Variants in PDE4B observed in about 807,000 individuals in gnomAD.
PDE4B encodes the protein phosphodiesterase 4B.
PDE4B carries 20 observed loss-of-function variants against 82.2 expected under a neutral mutation model. That is an observed-to-expected ratio of 0.24 (90% CI 0.17 to 0.35). The LOEUF (loss-of-function observed/expected upper bound fraction) is 0.35, where lower values mean the gene tolerates loss of function less well. Ranked by LOEUF, PDE4B falls within the 10% of genes least tolerant of loss-of-function variation. The pLI is 1.00. For missense variants in PDE4B, 655 were observed against 907.2 expected (o/e 0.72, Z 3.57); for synonymous variants, 320 against 318.9 (o/e 1.00, Z -0.04).
intron 3 of PDE4B, among the ~76,000 whole-genome samples, chr1:66,124,918 C>CGTGTGTGT (rs58795750): frequency 0.055 from 8,134 of 148,002 alleles, 565 homozygotes; most frequent in East Asian, 0.32. Context: ...TGTGTGTATG[C>CGTGTGTGT]GTGTGTGTGT....
At chr1:65,832,488 C>T (rs17128032) in intron 1 of PDE4B, among the ~76,000 whole-genome samples, 1,678 of 152,190 alleles carry the variant, frequency 0.011, 34 homozygotes, top group African/African-American at 0.039. Flanking sequence ...GAGCACAGAG[C>T]GGGAAGGCAA....
At chr1:65,949,946 G>A (rs1648909352) in intron 3 of PDE4B, among the ~76,000 whole-genome samples, 1 of 151,994 alleles carries the variant, frequency 6.6e-6, no homozygotes, top group Non-Finnish European at 1.5e-5. Flanking sequence ...TTGTGTAAGA[G>A]ACCTGCCTAG....
At chr1:65,976,719 C>T (rs1650427943) in intron 3 of PDE4B, among the ~76,000 whole-genome samples, 1 of 152,172 alleles carries the variant, frequency 6.6e-6, no homozygotes, top group Admixed American at 6.5e-5. Context: ...GTGTGTGGCA[C>T]TTCCTGCTTA....
At chr1:66,017,758 G>A (rs1652858976) in intron 3 of PDE4B, among the ~76,000 whole-genome samples, 1 of 152,072 alleles carries the variant, frequency 6.6e-6, no homozygotes, top group Non-Finnish European at 1.5e-5. Context: ...AGCAACTAGT[G>A]ATTATTCCCT....
intron 1 of PDE4B, among the ~76,000 whole-genome samples, chr1:65,831,723 C>T (rs1414910834): frequency 1.3e-5 from 2 of 152,084 alleles, no homozygotes; most frequent in African/African-American, 2.4e-5. Flanking sequence ...AAAATAAACT[C>T]TAGATGGATA....
intron 1 of PDE4B, among the ~76,000 whole-genome samples, chr1:65,818,530 T>C (rs1557762348): frequency 6.6e-6 from 1 of 151,988 alleles, no homozygotes; most frequent in Non-Finnish European, 1.5e-5. Flanking sequence ...AGAACTGTAA[T>C]TCTTCATTTT....
At chr1:65,807,598 T>C (rs1431872003) in intron 1 of PDE4B, among the ~76,000 whole-genome samples, 2 of 152,246 alleles carry the variant, frequency 1.3e-5, no homozygotes, top group African/African-American at 2.4e-5. Flanking sequence ...ATTGTAGTGC[T>C]AGTTTCCTCC....
At chr1:66,184,657 A>G (rs1002510081) in intron 3 of PDE4B, among the ~76,000 whole-genome samples, 1 of 152,320 alleles carries the variant, frequency 6.6e-6, no homozygotes, top group Non-Finnish European at 1.5e-5. Flanking sequence ...CTTCACATGG[A>G]TACCACATAG....
chr1:65,873,038 T>C (rs1360780120), intron 1 of PDE4B, among the ~76,000 whole-genome samples: 2 of 152,168 alleles, frequency 1.3e-5, no homozygotes, highest in African/African-American at 4.8e-5. Context: ...ACTGGTGCTA[T>C]GCCAAAACAA....
chr1:66,322,455 TAAAC>T (rs1659469034), intron 7 of PDE4B, among the ~76,000 whole-genome samples: 1 of 150,982 alleles, frequency 6.6e-6, no homozygotes, highest in East Asian at 2.0e-4. Context: ...ACAAAGAACT[TAAAC>T]AAATTTACAA....
chr1:66,229,576 C>T (rs979725993), intron 3 of PDE4B, among the ~76,000 whole-genome samples: 4 of 152,324 alleles, frequency 2.6e-5, no homozygotes, highest in African/African-American at 9.6e-5. Context: ...TCACTAAATC[C>T]CTACTCCACA....
chr1:65,887,299 C>T (rs1180661142), intron 1 of PDE4B, among the ~76,000 whole-genome samples: 12 of 120,072 alleles, frequency 1.0e-4, no homozygotes, highest in Non-Finnish European at 3.4e-5. Context: ...CTCTCTCTCT[C>T]TTTCCCTCCC....
intron 12 of PDE4B, 138 bp from the exon 13 acceptor site, chr1:66,365,529 A>G: frequency 1.8e-6 from 1 of 540,834 alleles, no homozygotes; most frequent in Non-Finnish European, 3.4e-6. Context: ...ACATTTACTT[A>G]AATTAGTATA....
At chr1:65,794,716 AAAC>A (rs1396334939) in intron 1 of PDE4B, among the ~76,000 whole-genome samples, 2 of 152,304 alleles carry the variant, frequency 1.3e-5, no homozygotes, top group African/African-American at 2.4e-5. Flanking sequence ...TTCATTTTCT[AAAC>A]AACAACGTGC....
intron 3 of PDE4B, among the ~76,000 whole-genome samples, chr1:65,957,332 C>T (rs1244654012): frequency 6.6e-6 from 1 of 152,060 alleles, no homozygotes; most frequent in Non-Finnish European, 1.5e-5. Flanking sequence ...CGCCACCATT[C>T]GTTGACTGAT....
intron 7 of PDE4B, among the ~76,000 whole-genome samples, chr1:66,321,369 T>C (rs1659392099): frequency 6.6e-6 from 1 of 152,190 alleles, no homozygotes; most frequent in Non-Finnish European, 1.5e-5. Flanking sequence ...TTTACCTCTC[T>C]TCATCTCCAT....
At chr1:66,053,845 A>G (rs1655166280) in intron 3 of PDE4B, among the ~76,000 whole-genome samples, 2 of 152,238 alleles carry the variant, frequency 1.3e-5, no homozygotes, top group South Asian at 4.2e-4. Context: ...GGTGACAAGA[A>G]AGAAACTCCA....
rs144422492 is a variant in PDE4B, at chr1:66,172,589, T to C, written c.282-74871T>C. ...ACCAACAATATATAAGTGTTCCCTT[T>C]TCTCTGCAGCCTCATCAGAAGTATT... On this transcript the variant is annotated intron_variant, in intron 3 of 16. Coordinates refer to ENST00000341517, the MANE Select transcript of PDE4B (RefSeq NM_002600.4). 8.4e-3 allele frequency among the ~76,000 whole-genome samples: 1,281 copies of C among 152,358 alleles called. 28 individuals are homozygous for C. Among genetic ancestry groups the C allele is most frequent in the African/African-American group, 0.029 (1,196 of 41,586 alleles).
chr1:65,856,373 C>T (rs1185995570), intron 1 of PDE4B, among the ~76,000 whole-genome samples: 1 of 152,126 alleles, frequency 6.6e-6, no homozygotes, highest in Admixed American at 6.5e-5. Flanking sequence ...TCATGTTCCC[C>T]TCCCTATGTC....
Sources: allele counts gnomAD v4.1 joint callset (sites outside exome capture counted in the v4.1 genomes callset), GRCh38; gene constraint gnomAD v4.1.1; transcripts MANE v1.5; gene names NCBI Gene and HGNC (gene_info 2026-07-23, HGNC 2026-07-21).